Variants in USB1 observed in about 807,000 individuals in gnomAD.
USB1 encodes U6 snRNA phosphodiesterase 1.
A neutral mutation model predicts 29.9 loss-of-function variants in USB1; 21 were observed. The observed-to-expected ratio is 0.70, with a 90% CI of 0.50 to 1.01. USB1 has a LOEUF of 1.01. Among genes scored for constraint, USB1 ranks in the 50% least tolerant of loss-of-function variants. USB1 has a pLI of 0.00. For missense variants in USB1, 330 were observed against 347.1 expected (o/e 0.95, Z 0.39); for synonymous variants, 143 against 134.9 (o/e 1.06, Z -0.42).
upstream of USB1, chr16:58,001,346 TTCCGCCCCTCCCGGC>T (rs1448042572): frequency 2.1e-5 from 20 of 975,006 alleles, no homozygotes; most frequent in Non-Finnish European, 3.0e-5. Flanking sequence ...TCCTGCCGGG[TTCCGCCCCTCCCGGC>T]TCCGCCCCGA....
At chr16:58,005,688 G>A (rs1292701792) in intron 2 of USB1, among the ~76,000 whole-genome samples, 3 of 152,032 alleles carry the variant, frequency 2.0e-5, no homozygotes, top group African/African-American at 4.8e-5. Flanking sequence ...TATTATACTG[G>A]AACAACTCGT....
intron 5 of USB1, among the ~76,000 whole-genome samples, chr16:58,017,833 T>G (rs547262486): frequency 6.6e-6 from 1 of 152,356 alleles, no homozygotes; most frequent in African/African-American, 2.4e-5. Context: ...CAAGGGCACT[T>G]GGACTCTAAG....
chr16:58,008,216 C>T (rs760379203), intron 2 of USB1, among the ~76,000 whole-genome samples: 4 of 151,420 alleles, frequency 2.6e-5, no homozygotes, highest in Non-Finnish European at 5.9e-5. Context: ...ATTTGTGTGC[C>T]CTCTCTATTT....
Position 58,017,241 on chromosome 16 carries a change from C to A in USB1, c.504-93C>A, listed in dbSNP as rs1057473899. Reference sequence around the variant, plus strand: ...AGACGGTGAGACCCACGGCCCAGGCCTCTTGGCCTTCTGCCTGGCTCCTGC... The same window carrying A: ...AGACGGTGAGACCCACGGCCCAGGCATCTTGGCCTTCTGCCTGGCTCCTGC... On this transcript the variant is annotated intron_variant, in intron 4 of 6. Transcript: ENST00000219281. 6.1e-6 allele frequency: 7 copies of A among 1,152,876 alleles called. No homozygotes were observed. The African/African-American group carries it at 1.1e-4, about 17-fold the overall frequency. The allele number at this position is 1,152,876 out of a possible 1,614,324, so 71.4% of individuals were successfully genotyped here.
intron 4 of USB1, 153 bp from the exon 5 acceptor site, chr16:58,017,181 T>C: frequency 1.4e-6 from 1 of 711,322 alleles, no homozygotes; most frequent in South Asian, 1.5e-5. Context: ...ACTGAGAGAG[T>C]TGGCTCATGG....
intron 6 of USB1, 60 bp downstream of exon 6, chr16:58,019,115 C>G: frequency 6.4e-7 from 1 of 1,564,430 alleles, no homozygotes; most frequent in Non-Finnish European, 8.8e-7. Context: ...AGGACAGATG[C>G]TGGAGAGGGG....
intron 2 of USB1, among the ~76,000 whole-genome samples, chr16:58,008,237 G>T (rs865813911): frequency 1.3e-5 from 2 of 151,892 alleles, no homozygotes; most frequent in African/African-American, 2.4e-5. Context: ...TTCTTAGTTA[G>T]CCTGGCTAGA....
chr16:58,006,886 C>A (rs377262565), intron 2 of USB1, among the ~76,000 whole-genome samples: 1 of 152,172 alleles, frequency 6.6e-6, no homozygotes, highest in Non-Finnish European at 1.5e-5. Flanking sequence ...TAACAAAGTT[C>A]CCCTCTATTC....
At position 58,008,641 on chromosome 16, in the gene USB1, C is replaced by T. The variant is rs570506322; in HGVS notation, c.266-1288C>T. Reference sequence around the variant, plus strand: ...GTTATTTTTGTATTTTTAGTAGAGACGGGGTGTCACCATATTGGTCAGGCT... The same window carrying T: ...GTTATTTTTGTATTTTTAGTAGAGATGGGGTGTCACCATATTGGTCAGGCT... On this transcript the variant is annotated intron_variant, in intron 2 of 6. Coordinates refer to ENST00000219281, the MANE Select transcript of USB1 (RefSeq NM_024598.4). 4.6e-5 allele frequency among the ~76,000 whole-genome samples: 7 copies of T among 151,926 alleles called. No individual in the cohort carries two copies. In the South Asian group the frequency reaches 6.3e-4, roughly 14 times the overall value.
At chr16:58,001,357 C>T (rs1597040312), upstream of USB1, 9 of 1,127,750 alleles carry the variant, frequency 8.0e-6, 1 homozygote, top group East Asian at 2.3e-4. Context: ...TCCGCCCCTC[C>T]CGGCTCCGCC....
At position 58,001,479 on chromosome 16, in the gene USB1, G is replaced by GC. The variant is rs1175356056; in HGVS notation, c.-1dup. On this transcript the variant is annotated 5_prime_UTR_variant, in exon 1 of 7. Coordinates refer to ENST00000219281, the MANE Select transcript of USB1 (RefSeq NM_024598.4). ...ACCTGCTCTGGTGGTCTTGGATGAG[G>GC]CCCCATGAGCGCGGCGCCCCTGGTG... is the stretch of plus-strand genomic sequence containing the variant. 4.4e-5 allele frequency: 71 copies of GC among 1,595,688 alleles called. No homozygotes were observed. The highest frequency in any genetic ancestry group is 6.1e-5 in the Non-Finnish European group (71 of 1,171,904).
chr16:58,000,880 G>A (rs970242161), upstream of USB1, among the ~76,000 whole-genome samples: 10 of 152,282 alleles, frequency 6.6e-5, no homozygotes, highest in African/African-American at 2.4e-4. This position sits in a 1 kb window ranked among gnomAD's most constrained non-coding sequence, Gnocchi z 4.5. Context: ...ACCGAGGAAG[G>A]GCGCTCTGCT....
At position 58,001,464 on chromosome 16, in the gene USB1, G is replaced by C. The variant is rs746174189; in HGVS notation, c.-20G>C. Reference sequence around the variant, plus strand: ...TGAGGTTGCTGGTGGACCTGCTCTGGTGGTCTTGGATGAGGCCCCATGAGC... The same window carrying C: ...TGAGGTTGCTGGTGGACCTGCTCTGCTGGTCTTGGATGAGGCCCCATGAGC... On this transcript the variant is annotated 5_prime_UTR_variant, in exon 1 of 7. Coordinates refer to ENST00000219281, the MANE Select transcript of USB1 (RefSeq NM_024598.4). 6.3e-7 allele frequency: 1 copy of C among 1,586,568 alleles called. No individual in the cohort carries two copies. The highest frequency in any genetic ancestry group is 8.6e-7 in the Non-Finnish European group (1 of 1,167,312).
rs549878683 is a variant in USB1 at position 58,002,368 on chromosome 16, AAC to A, written c.99-104_99-103del. 1.2e-4 allele frequency: 186 copies of A among 1,538,746 alleles called. 1 individual carries two copies. Among genetic ancestry groups the A allele is most frequent in the Middle Eastern group, 1.2e-3 (7 of 5,902 alleles). On this transcript the variant is annotated intron_variant, in intron 1 of 6. Transcript: ENST00000219281. ...AAGCTGCTTCCAGCACCAGGCTGGA[AAC>A]ACACACTCAGAGCCACCATATATAA...
At chr16:58,018,646 G>A (rs1318527193) in intron 5 of USB1, among the ~76,000 whole-genome samples, 1 of 152,028 alleles carries the variant, frequency 6.6e-6, no homozygotes, top group Non-Finnish European at 1.5e-5. Context: ...TGATTAAAGG[G>A]CACTAATCAT....
At position 58,012,213 on chromosome 16, in the gene USB1, G is replaced by A. The variant is rs9938499; in HGVS notation, c.450-2060G>A. The A allele has an allele frequency of 4.1e-3, 6,233 of 1,507,342 alleles. 267 individuals are homozygous for A. In the African/African-American group the frequency reaches 0.077, roughly 19 times the overall value. The allele number at this position is 1,507,342 out of a possible 1,614,324, so 93.4% of individuals were successfully genotyped here. ...TGTCCCAATCCAGACACTCGGCCAG[G>A]GAATAAGGGCTGAAACTCATCTCTC... On this transcript the variant is annotated intron_variant, in intron 3 of 6. Coordinates refer to ENST00000219281, the MANE Select transcript of USB1 (RefSeq NM_024598.4).
intron 2 of USB1, among the ~76,000 whole-genome samples, chr16:58,003,800 C>G (rs553917138): frequency 6.6e-6 from 1 of 152,042 alleles, no homozygotes; most frequent in Non-Finnish European, 1.5e-5. Flanking sequence ...AATATTGGAT[C>G]TTAAAATATT....
chr16:58,008,670 C>T (rs992949213), intron 2 of USB1, among the ~76,000 whole-genome samples: 1 of 151,884 alleles, frequency 6.6e-6, no homozygotes, highest in African/African-American at 2.4e-5. Flanking sequence ...TCAGGCTGGT[C>T]TCGAACTCCT....
chr16:58,020,457 C>T lies in USB1; in HGVS notation c.*212C>T, dbSNP rs1567424546. On this transcript the variant is annotated 3_prime_UTR_variant, in exon 7 of 7. Transcript: ENST00000219281. ...CTCTTCTTTCTCTCTCTTCTCCTCTCTTTCTCTCCTCTGTCTCTCTTCCTC... is the reference window on the plus strand; with the variant it reads ...CTCTTCTTTCTCTCTCTTCTCCTCTTTTTCTCTCCTCTGTCTCTCTTCCTC... The T allele has an allele frequency of 9.9e-6, 6 of 605,042 alleles. No individual in the cohort carries two copies. The highest frequency in any genetic ancestry group is 5.6e-5 in the East Asian group (2 of 35,504). The allele number at this position is 605,042 out of a possible 1,614,324, so 37.5% of individuals were successfully genotyped here. A position where few individuals can be genotyped will look rare whatever the true frequency, so the allele number is the denominator to read the frequency against.
Sources: allele counts gnomAD v4.1 joint callset (sites outside exome capture counted in the v4.1 genomes callset), GRCh38; gene constraint gnomAD v4.1.1; non-coding constraint Gnocchi (gnomAD v3.1); transcripts MANE v1.5; gene names NCBI Gene and HGNC (gene_info 2026-07-23, HGNC 2026-07-21).